SLC35F1: variants seen among roughly 807,000 people sequenced by gnomAD.
The protein encoded by SLC35F1 is chromosome 6 open reading frame 169.
SLC35F1 carries 14 observed loss-of-function variants against 48.7 expected under a neutral mutation model. The ratio of observed to expected loss-of-function variants is 0.29; its 90% CI spans 0.19 to 0.45. SLC35F1 has a LOEUF of 0.45. Ranked by LOEUF, SLC35F1 falls within the 20% of genes least tolerant of loss-of-function variation. SLC35F1 has a pLI of 1.00. For missense variants in SLC35F1, 404 were observed against 500.0 expected, an observed-to-expected ratio of 0.81 and a Z score of 1.83; for synonymous variants, 190 against 202.2, an observed-to-expected ratio of 0.94 and a Z score of 0.51.
At chr6:118,273,645 G>T (rs55697000) in intron 4 of SLC35F1, among the ~76,000 whole-genome samples, 58,057 of 151,944 alleles carry the variant, frequency 0.38, 11,829 homozygotes, top group Middle Eastern at 0.49. Flanking sequence ...GATTAATCAG[G>T]TTGCCAAAGA....
chr6:118,074,285 A>G (rs1440872357), intron 1 of SLC35F1, among the ~76,000 whole-genome samples: 6 of 152,230 alleles, frequency 3.9e-5, no homozygotes. Context: ...CTACCTGTAT[A>G]AAGAAAGTGG....
At chr6:118,133,399 CT>C (rs1773745863) in intron 1 of SLC35F1, among the ~76,000 whole-genome samples, 1 of 152,114 alleles carries the variant, frequency 6.6e-6, no homozygotes, top group South Asian at 2.1e-4. Context: ...AAAAAAAGTC[CT>C]TTCTTCCCAC....
At chr6:117,918,823 G>T (rs1400288361) in intron 1 of SLC35F1, among the ~76,000 whole-genome samples, 3 of 152,152 alleles carry the variant, frequency 2.0e-5, no homozygotes, top group African/African-American at 7.2e-5. Flanking sequence ...AGGGGGCTCA[G>T]TAGGACTTGG....
At chr6:118,299,199 A>G (rs2114657332) in intron 7 of SLC35F1, among the ~76,000 whole-genome samples, 2 of 152,214 alleles carry the variant, frequency 1.3e-5, no homozygotes, top group South Asian at 4.1e-4. Flanking sequence ...CAAACAATAA[A>G]ACCTTTTATT....
intron 1 of SLC35F1, among the ~76,000 whole-genome samples, chr6:118,023,663 C>G (rs1439814901): frequency 6.6e-6 from 1 of 152,094 alleles, no homozygotes; most frequent in Non-Finnish European, 1.5e-5. Context: ...GCCTCAAGTC[C>G]TATATCACAG....
chr6:118,281,204 C>CTCTCTATA (rs367855949), intron 6 of SLC35F1, among the ~76,000 whole-genome samples: 1,564 of 130,416 alleles, frequency 0.012, 15 homozygotes, highest in African/African-American at 0.022. Flanking sequence ...CTCTCTCTCT[C>CTCTCTATA]TATATATATA....
At chr6:118,011,675 C>G (rs984350879) in intron 1 of SLC35F1, among the ~76,000 whole-genome samples, 2 of 152,148 alleles carry the variant, frequency 1.3e-5, no homozygotes, top group Non-Finnish European at 2.9e-5. Context: ...GGAGGCAGAG[C>G]TCAGACTGTA....
intron 1 of SLC35F1, among the ~76,000 whole-genome samples, chr6:118,022,933 T>C (rs1381406089): frequency 6.6e-6 from 1 of 151,976 alleles, no homozygotes; most frequent in East Asian, 2.0e-4. Flanking sequence ...TTTTTTCTTG[T>C]ATTTTTAGTA....
chr6:118,288,541 G>A lies in SLC35F1; in HGVS notation c.1002+3203G>A, dbSNP rs202055794. Among the ~76,000 whole-genome samples the A allele has an allele frequency of 1.2e-4, 19 of 152,304 alleles. No individual in the cohort carries two copies. The East Asian group carries it at 3.7e-3, about 29-fold the overall frequency. On this transcript the variant is annotated intron_variant, in intron 7 of 7. Coordinates refer to ENST00000360388, the MANE Select transcript of SLC35F1 (RefSeq NM_001029858.4). ...GGAAGGAATGCCTGGTTTACCATAA[G>A]GGGTTGTGAAGACTGGGGTTTTATC...
intron 1 of SLC35F1, among the ~76,000 whole-genome samples, chr6:118,070,960 G>GTA (rs1388913137): frequency 7.6e-6 from 1 of 131,190 alleles, no homozygotes; most frequent in Non-Finnish European, 1.6e-5. Context: ...TATATACTGT[G>GTA]TATATATATA....
chr6:117,999,528 G>T, intron 1 of SLC35F1: 1 of 881,792 alleles, frequency 1.1e-6, no homozygotes, highest in Non-Finnish European at 1.7e-6. Flanking sequence ...CATGGGGCTG[G>T]GGTCCTCCTG....
chr6:118,294,700 C>T (rs1242955012), intron 7 of SLC35F1, among the ~76,000 whole-genome samples: 2 of 152,130 alleles, frequency 1.3e-5, no homozygotes, highest in Non-Finnish European at 2.9e-5. Context: ...TTATATGGCT[C>T]TCCATGCTGA....
At chr6:118,025,714 A>G (rs894479142) in intron 1 of SLC35F1, among the ~76,000 whole-genome samples, 1 of 152,190 alleles carries the variant, frequency 6.6e-6, no homozygotes, top group Non-Finnish European at 1.5e-5. Context: ...ATCCCACACC[A>G]TTTTAGTTTG....
intron 3 of SLC35F1, among the ~76,000 whole-genome samples, chr6:118,241,667 C>T (rs1176329309): frequency 3.9e-5 from 6 of 151,936 alleles, no homozygotes; most frequent in Non-Finnish European, 4.4e-5. Context: ...CCACTACAAT[C>T]GGGTACAGAA....
intron 1 of SLC35F1, among the ~76,000 whole-genome samples, chr6:117,976,493 T>C (rs1776706948): frequency 7.1e-6 from 1 of 140,576 alleles, no homozygotes; most frequent in East Asian, 2.1e-4. Context: ...TCAGTTTAAT[T>C]CCTGTTTATT....
rs138592655 is a variant in SLC35F1 at position 118,049,455 on chromosome 6, A to C, written c.174-104990A>C. ...CCACAAAATGGGAAAAAATTTTTGC[A>C]ACCTACTCATTTGACAAAGGGCTAA... is the stretch of plus-strand genomic sequence containing the variant. On this transcript the variant is annotated intron_variant, in intron 1 of 7. Transcript: ENST00000360388. Among the ~76,000 whole-genome samples, 446 of 152,330 alleles carry C rather than the reference A, an allele frequency of 2.9e-3. 4 individuals are homozygous for C. Among genetic ancestry groups the C allele is most frequent in the African/African-American group, 0.01 (423 of 41,570 alleles).
At chr6:117,976,119 A>T (rs1776702324) in intron 1 of SLC35F1, among the ~76,000 whole-genome samples, 1 of 152,200 alleles carries the variant, frequency 6.6e-6, no homozygotes, top group Non-Finnish European at 1.5e-5. Context: ...TACTTTAAGG[A>T]GTGTGATCTT....
chr6:118,015,430 T>A (rs1465033856), intron 1 of SLC35F1, among the ~76,000 whole-genome samples: 3 of 151,976 alleles, frequency 2.0e-5, no homozygotes, highest in Non-Finnish European at 4.4e-5. Context: ...TTTTTTCTGC[T>A]CCTCTCCTTC....
chr6:118,044,714 A>G (rs1479993324), intron 1 of SLC35F1, among the ~76,000 whole-genome samples: 3 of 152,114 alleles, frequency 2.0e-5, no homozygotes, highest in African/African-American at 7.2e-5. Flanking sequence ...AAAAAATGAC[A>G]TAGTCTATAG....
Sources: allele counts gnomAD v4.1 joint callset (sites outside exome capture counted in the v4.1 genomes callset), GRCh38; gene constraint gnomAD v4.1.1; transcripts MANE v1.5; gene names NCBI Gene and HGNC (gene_info 2026-07-23, HGNC 2026-07-21).